The following CNTNAP3B variants were observed in gnomAD, a reference collection of about 807,000 sequenced individuals.
CNTNAP3B encodes contactin associated protein family member 3B, also known as contactin-associated protein-like 3B.
In CNTNAP3B, 25 loss-of-function variants were observed where a neutral mutation model predicts 108.9. That is an observed-to-expected ratio of 0.23 (90% CI 0.17 to 0.32). The LOEUF is 0.32. Ranked by LOEUF, CNTNAP3B falls within the 10% of genes least tolerant of loss-of-function variation. CNTNAP3B has a pLI of 1.00. For synonymous variants in CNTNAP3B, 103 were observed against 473.4 expected, an observed-to-expected ratio of 0.22 and a Z score of 10.16; for missense variants, 252 against 1,210.4, an observed-to-expected ratio of 0.21 and a Z score of 11.75.
chr9:41,960,944 AG>A (rs1825068573), intron 11 of CNTNAP3B, 52 bp from the exon 12 acceptor site: 8 of 1,595,124 alleles, frequency 5.0e-6, no homozygotes, highest in Middle Eastern at 1.7e-4. Flanking sequence ...CCAGATGTTG[AG>A]TCAGTGTCCA....
intron 10 of CNTNAP3B, among the ~76,000 whole-genome samples, chr9:41,969,465 TATC>T (rs1169357174): frequency 6.9e-6 from 1 of 144,370 alleles, no homozygotes; most frequent in Non-Finnish European, 1.5e-5. Flanking sequence ...CCTGGAAAAA[TATC>T]ATCCAACTGA....
chr9:41,967,179 T>C (rs1825305578), intron 10 of CNTNAP3B, among the ~76,000 whole-genome samples: 1 of 151,670 alleles, frequency 6.6e-6, no homozygotes, highest in South Asian at 2.1e-4. Context: ...ATGGTTTGGC[T>C]GTGTCCCCAC....
At chr9:41,941,865 A>G (rs1161724162) in intron 13 of CNTNAP3B, among the ~76,000 whole-genome samples, 2 of 151,852 alleles carry the variant, frequency 1.3e-5, no homozygotes, top group East Asian at 3.8e-4. Flanking sequence ...CAAGAGTTTT[A>G]TCTCCAGGAA....
chr9:41,915,999 T>C (rs1364869418), intron 18 of CNTNAP3B, among the ~76,000 whole-genome samples: 1 of 151,556 alleles, frequency 6.6e-6, no homozygotes, highest in Non-Finnish European at 1.5e-5. Context: ...TCTACATAGC[T>C]CTATTTCTTC....
At chr9:41,945,826 C>T (rs986469839) in intron 13 of CNTNAP3B, among the ~76,000 whole-genome samples, 1 of 152,166 alleles carries the variant, frequency 6.6e-6, no homozygotes, top group Non-Finnish European at 1.5e-5. Flanking sequence ...CATGATCCAC[C>T]TACATGTTGT....
chr9:41,996,004 C>T (rs1825893116), intron 7 of CNTNAP3B, among the ~76,000 whole-genome samples: 1 of 142,946 alleles, frequency 7.0e-6, no homozygotes, highest in South Asian at 2.2e-4. Flanking sequence ...CCGCTGCACT[C>T]CAACCTGGGA....
intron 18 of CNTNAP3B, among the ~76,000 whole-genome samples, chr9:41,913,682 C>T (rs62538163): frequency 0.13 from 17,650 of 135,096 alleles, 1,443 homozygotes; most frequent in Middle Eastern, 0.25. Flanking sequence ...CCATTGCCCC[C>T]TCATCTCAGC....
chr9:42,117,613 G>C (rs1430529156), intron 1 of CNTNAP3B, among the ~76,000 whole-genome samples: 1 of 137,554 alleles, frequency 7.3e-6, no homozygotes, highest in Non-Finnish European at 1.5e-5. Flanking sequence ...ACAATTAAAA[G>C]AACCAGAGAA....
At chr9:41,955,155 G>T (rs527460483) in intron 12 of CNTNAP3B, among the ~76,000 whole-genome samples, 1 of 142,286 alleles carries the variant, frequency 7.0e-6, no homozygotes, top group South Asian at 2.3e-4. Flanking sequence ...ATGATTTCTT[G>T]TACAATGGGA....
At chr9:41,959,996 C>CGTTTTT (rs1491218961) in intron 12 of CNTNAP3B, 1 of 137,252 alleles carries the variant, frequency 7.3e-6, no homozygotes, top group African/African-American at 2.7e-5. Flanking sequence ...TCTTTTTTTC[C>CGTTTTT]TTTTTTTTTT....
At chr9:42,045,744 G>C (rs1024584556) in intron 3 of CNTNAP3B, among the ~76,000 whole-genome samples, 2 of 146,570 alleles carry the variant, frequency 1.4e-5, no homozygotes, top group African/African-American at 5.2e-5. Flanking sequence ...CTTAATATTG[G>C]CATGTCATTT....
chr9:41,946,068 C>T (rs1314648139), intron 13 of CNTNAP3B, among the ~76,000 whole-genome samples: 203 of 150,550 alleles, frequency 1.3e-3, no homozygotes, highest in Non-Finnish European at 1.2e-3. Flanking sequence ...TACCTAGCAA[C>T]AGAAGAGTCA....
At chr9:41,930,167 A>G (rs1823935410) in intron 14 of CNTNAP3B, among the ~76,000 whole-genome samples, 1 of 152,292 alleles carries the variant, frequency 6.6e-6, no homozygotes, top group Non-Finnish European at 1.5e-5. Context: ...TTCAAAACCA[A>G]ATACATACTA....
chr9:42,116,823 A>G (rs1161995591), intron 1 of CNTNAP3B, among the ~76,000 whole-genome samples: 1 of 137,858 alleles, frequency 7.3e-6, no homozygotes, highest in African/African-American at 2.9e-5. Context: ...AAAGGTATGG[A>G]GGAAGGTCTG....
chr9:41,922,190 G>C (rs1231512465), intron 17 of CNTNAP3B, among the ~76,000 whole-genome samples: 1 of 131,466 alleles, frequency 7.6e-6, no homozygotes, highest in South Asian at 2.4e-4. Flanking sequence ...ATACTGCAGG[G>C]CCCGGTGGCT....
intron 16 of CNTNAP3B, among the ~76,000 whole-genome samples, chr9:41,923,651 A>G (rs1420871279): frequency 6.6e-6 from 1 of 152,288 alleles, no homozygotes; most frequent in Admixed American, 6.5e-5. Flanking sequence ...AGTCCCAGCT[A>G]CTCAGGAGAC....
At chr9:41,967,727 G>C (rs1825323721) in intron 10 of CNTNAP3B, among the ~76,000 whole-genome samples, 1 of 152,266 alleles carries the variant, frequency 6.6e-6, no homozygotes, top group Admixed American at 6.5e-5. Flanking sequence ...TAATTTTATT[G>C]CTTTATAAAA....
At chr9:41,971,055 T>C (rs1263084785) in intron 9 of CNTNAP3B, among the ~76,000 whole-genome samples, 1 of 148,128 alleles carries the variant, frequency 6.8e-6, no homozygotes, top group African/African-American at 2.6e-5. Context: ...AATCGTCAGC[T>C]AATTTCACCT....
At chr9:42,089,542 G>C (rs1827774121) in intron 2 of CNTNAP3B, among the ~76,000 whole-genome samples, 1 of 146,138 alleles carries the variant, frequency 6.8e-6, no homozygotes. Flanking sequence ...ATGGTGCCAA[G>C]TTTTCATTAG....
Sources: gnomAD v4.1 joint callset for allele counts (sites outside exome capture counted in the v4.1 genomes callset) on GRCh38, gnomAD v4.1.1 for gene constraint, MANE v1.5 for transcripts, NCBI Gene and HGNC (gene_info 2026-07-23, HGNC 2026-07-21) for gene names.